Variants in THSD7B observed in about 807,000 individuals in gnomAD.
THSD7B encodes the protein thrombospondin type 1 domain containing 7B, also known as thrombospondin type-1 domain-containing protein 7B.
A neutral mutation model predicts 213.6 loss-of-function variants in THSD7B; 138 were observed. That is an observed-to-expected ratio of 0.65 (90% CI 0.56 to 0.74). The LOEUF (loss-of-function observed/expected upper bound fraction) is 0.74, where lower values mean the gene tolerates loss of function less well. Among genes scored for constraint, THSD7B ranks in the 30% least tolerant of loss-of-function variants. The pLI is 0.00. For missense variants in THSD7B, 1,931 were observed against 1,991.5 expected (o/e 0.97, Z 0.58); for synonymous variants, 742 against 687.0 (o/e 1.08, Z -1.25).
At chr2:137,008,780 G>C (rs1324899615) in intron 2 of THSD7B, among the ~76,000 whole-genome samples, 1 of 152,192 alleles carries the variant, frequency 6.6e-6, no homozygotes, top group Non-Finnish European at 1.5e-5. Flanking sequence ...GAAGGAGATA[G>C]TGCCAGTTCA....
intron 7 of THSD7B, among the ~76,000 whole-genome samples, chr2:137,185,424 C>T (rs2105009526): frequency 6.6e-6 from 1 of 152,162 alleles, no homozygotes; most frequent in South Asian, 2.1e-4. Flanking sequence ...TCTCCAGTAT[C>T]TATTGTTCTC....
intron 5 of THSD7B, among the ~76,000 whole-genome samples, chr2:137,141,399 A>G (rs765017587): frequency 6.6e-6 from 1 of 152,060 alleles, no homozygotes; most frequent in Admixed American, 6.6e-5. Flanking sequence ...TCTTATAGTG[A>G]TAGAGCAGCT....
intron 12 of THSD7B, among the ~76,000 whole-genome samples, chr2:137,333,071 G>GT (rs1684551227): frequency 1.3e-5 from 2 of 152,154 alleles, no homozygotes; most frequent in Admixed American, 1.3e-4. Context: ...TTGACTCATT[G>GT]TAAGTTGCCC....
chr2:137,595,219 T>G (rs1031245553), intron 17 of THSD7B, among the ~76,000 whole-genome samples: 4 of 152,008 alleles, frequency 2.6e-5, no homozygotes, highest in Admixed American at 6.6e-5. Context: ...TTGCATTTGT[T>G]GTATTCCTCT....
intron 10 of THSD7B, among the ~76,000 whole-genome samples, chr2:137,246,440 A>T (rs545535502): frequency 1.1e-4 from 16 of 152,310 alleles, no homozygotes; most frequent in African/African-American, 3.8e-4. Context: ...AACCTCTCAG[A>T]AAGCCAAGGT....
intron 2 of THSD7B, among the ~76,000 whole-genome samples, chr2:136,893,946 T>C (rs1004529608): frequency 6.6e-6 from 1 of 152,196 alleles, no homozygotes; most frequent in Admixed American, 6.5e-5. Context: ...CAGGCTTTTG[T>C]TTCCTTTCTT....
At chr2:137,121,183 A>T (rs1423562372) in intron 5 of THSD7B, among the ~76,000 whole-genome samples, 1 of 152,212 alleles carries the variant, frequency 6.6e-6, no homozygotes, top group Non-Finnish European at 1.5e-5. Flanking sequence ...TTAAATTATC[A>T]GACTGTTCTT....
At chr2:137,369,835 C>T (rs528009315) in intron 12 of THSD7B, among the ~76,000 whole-genome samples, 7 of 152,310 alleles carry the variant, frequency 4.6e-5, no homozygotes, top group African/African-American at 1.7e-4. Context: ...CAAGGACCCA[C>T]TTAAGGTGTC....
intron 16 of THSD7B, among the ~76,000 whole-genome samples, chr2:137,566,950 A>G (rs1681250240): frequency 6.6e-6 from 1 of 152,106 alleles, no homozygotes; most frequent in Non-Finnish European, 1.5e-5. Flanking sequence ...ATAAGCATGA[A>G]GATCTGTAGA....
chr2:137,280,259 T>A (rs111621360), intron 12 of THSD7B, among the ~76,000 whole-genome samples: 1 of 152,156 alleles, frequency 6.6e-6, no homozygotes, highest in Non-Finnish European at 1.5e-5. Context: ...GGGATGAAAT[T>A]TGTCTTGTTT....
At chr2:136,794,150 GC>G (rs1682019100) in intron 1 of THSD7B, among the ~76,000 whole-genome samples, 1 of 150,194 alleles carries the variant, frequency 6.7e-6, no homozygotes, top group Non-Finnish European at 1.5e-5. Context: ...CAAAAATTTT[GC>G]AAATCTTTTC....
chr2:136,989,787 A>G (rs1685735348), intron 2 of THSD7B, among the ~76,000 whole-genome samples: 1 of 152,184 alleles, frequency 6.6e-6, no homozygotes, highest in Admixed American at 6.5e-5. Context: ...GGAGAGGGGT[A>G]GAGATATGAT....
chr2:137,261,471 C>G (rs1218452521), intron 10 of THSD7B, among the ~76,000 whole-genome samples: 1 of 152,132 alleles, frequency 6.6e-6, no homozygotes, highest in Non-Finnish European at 1.5e-5. Flanking sequence ...TAAATCAAGT[C>G]TTCTTATTAT....
At chr2:136,773,436 T>G (rs1423803459) in intron 1 of THSD7B, among the ~76,000 whole-genome samples, 1 of 152,106 alleles carries the variant, frequency 6.6e-6, no homozygotes, top group Admixed American at 6.5e-5. Context: ...TATGCAACCT[T>G]GTATTTTTTA....
chr2:137,570,606 C>T (rs1254424444), intron 16 of THSD7B, among the ~76,000 whole-genome samples: 10 of 152,180 alleles, frequency 6.6e-5, no homozygotes, highest in Non-Finnish European at 1.0e-4. Context: ...ATAGCATGAT[C>T]TAGGGAGCAC....
intron 12 of THSD7B, among the ~76,000 whole-genome samples, chr2:137,281,293 G>A (rs1375321080): frequency 2.6e-5 from 4 of 151,700 alleles, no homozygotes; most frequent in African/African-American, 4.8e-5. Flanking sequence ...ATGTTTTTCT[G>A]GGAAAAAAAA....
In THSD7B at chr2:136,779,198, ATGTGTGTGTG is replaced by A. The variant is rs199689020; in HGVS notation, c.-36+13545_-36+13554del. 1.0e-3 allele frequency among the ~76,000 whole-genome samples: 55 copies of A among 55,140 alleles called. No homozygotes were observed. The East Asian group carries it at 0.014, about 14-fold the overall frequency. The allele number at this position is 55,140 out of a possible 152,430, so 36.2% of individuals were successfully genotyped here. ...ACGTGTTAAAAGGCTATATATATAT[ATGTGTGTGTG>A]TGTGTGTGTGTGTGTGTGTGTGTGT... On this transcript the variant is annotated intron_variant, in intron 1 of 27. Coordinates refer to ENST00000409968, the MANE Select transcript of THSD7B (RefSeq NM_001316349.2).
At position 137,184,151 on chromosome 2, in the gene THSD7B, T is replaced by A. The variant is rs117210601; in HGVS notation, c.1723+13213T>A. Among the ~76,000 whole-genome samples, 7 of 152,236 alleles carry A rather than the reference T, an allele frequency of 4.6e-5. No homozygotes were observed. In the East Asian group the frequency reaches 1.2e-3, roughly 25 times the overall value. ...GAGGAGTCCATCTCTCCTTCCAAGA[T>A]GGTGCCTTTTTCCTGCATCTTCAGG... On this transcript the variant is annotated intron_variant, in intron 7 of 27. Transcript: ENST00000409968.
intron 10 of THSD7B, among the ~76,000 whole-genome samples, chr2:137,251,080 A>G (rs1682164767): frequency 6.6e-6 from 1 of 152,192 alleles, no homozygotes; most frequent in Non-Finnish European, 1.5e-5. Context: ...CAAGAAATAA[A>G]CTTAAGGCAG....
Sources: gnomAD v4.1 joint callset for allele counts (sites outside exome capture counted in the v4.1 genomes callset) on GRCh38, gnomAD v4.1.1 for gene constraint, MANE v1.5 for transcripts, NCBI Gene and HGNC (gene_info 2026-07-23, HGNC 2026-07-21) for gene names.